Variants in UBE2R2 observed in about 807,000 individuals in gnomAD.
UBE2R2 encodes ubiquitin conjugating enzyme E2 R2.
In UBE2R2, 1 loss-of-function variant was observed where a neutral mutation model predicts 27.8. The observed-to-expected ratio is 0.04, with a 90% CI of 0.01 to 0.17. The LOEUF is 0.17. UBE2R2 is among the 10% of genes least tolerant of loss of function. The probability of loss-of-function intolerance (pLI) is 1.00; values close to 1 mark genes in which losing one functional copy is unlikely to be tolerated. For missense variants in UBE2R2, 100 were observed against 291.0 expected (o/e 0.34, Z 4.78); for synonymous variants, 106 against 113.3 (o/e 0.94, Z 0.41).
At chr9:33,889,044 A>G (rs1032851982) in intron 2 of UBE2R2, among the ~76,000 whole-genome samples, 4 of 152,240 alleles carry the variant, frequency 2.6e-5, no homozygotes, top group African/African-American at 9.6e-5. Context: ...AATATTTGAC[A>G]TAATATAAAT....
chr9:33,834,593 T>A (rs1009697986), intron 1 of UBE2R2, among the ~76,000 whole-genome samples: 5 of 152,008 alleles, frequency 3.3e-5, no homozygotes, highest in Admixed American at 1.3e-4. Flanking sequence ...ATTATATTTA[T>A]AAAACCTATT....
chr9:33,834,992 A>C (rs1820585150), intron 1 of UBE2R2, among the ~76,000 whole-genome samples: 2 of 152,134 alleles, frequency 1.3e-5, no homozygotes, highest in Admixed American at 1.3e-4. Context: ...ACCCACAATC[A>C]CATTTCCCAG....
intron 1 of UBE2R2, among the ~76,000 whole-genome samples, chr9:33,871,528 G>A (rs1343787104): frequency 4.6e-5 from 7 of 152,072 alleles, no homozygotes; most frequent in African/African-American, 7.2e-5. Context: ...TATTTTGGAG[G>A]TACTTGTTCT....
chr9:33,890,431 G>A (rs1821953925), intron 2 of UBE2R2, among the ~76,000 whole-genome samples: 1 of 152,052 alleles, frequency 6.6e-6, no homozygotes, highest in Non-Finnish European at 1.5e-5. Context: ...GCTGGGTGTG[G>A]TGGCACGCGC....
In UBE2R2 at chr9:33,847,918, GT is replaced by G. The variant is rs1232213089; in HGVS notation, c.177+29992del. 5.9e-5 allele frequency among the ~76,000 whole-genome samples: 9 copies of G among 151,282 alleles called. No homozygotes were observed. In the East Asian group the frequency reaches 1.4e-3, roughly 23 times the overall value. On this transcript the variant is annotated intron_variant, in intron 1 of 4. Coordinates refer to ENST00000263228, the MANE Select transcript of UBE2R2 (RefSeq NM_017811.4). ...AGGCATGTGCCACCACACTCGGCTA[GT>G]TTTTTTTGTATTTTTAGTAGAGACA...
intron 1 of UBE2R2, among the ~76,000 whole-genome samples, chr9:33,877,330 C>T (rs943296679): frequency 2.6e-5 from 4 of 151,546 alleles, no homozygotes; most frequent in Non-Finnish European, 5.9e-5. Context: ...TACTGGTGCC[C>T]GGCACCCATG....
At chr9:33,853,288 C>CTTT (rs71506143) in intron 1 of UBE2R2, among the ~76,000 whole-genome samples, 16,524 of 115,230 alleles carry the variant, frequency 0.14, 1,830 homozygotes, top group African/African-American at 0.27. Flanking sequence ...TTTTCTCTCT[C>CTTT]TTTTTTTTTT....
chr9:33,900,385 C>T, intron 3 of UBE2R2, 114 bp downstream of exon 3: 2 of 708,724 alleles, frequency 2.8e-6, no homozygotes, highest in Admixed American at 2.9e-5. Context: ...TTCTTATATT[C>T]AGTTTCTTTG....
At chr9:33,859,799 T>TGTGAGAGA (rs766779268) in intron 1 of UBE2R2, among the ~76,000 whole-genome samples, 22 of 86,582 alleles carry the variant, frequency 2.5e-4, no homozygotes, top group African/African-American at 7.4e-4. Context: ...TGTGTGTGTG[T>TGTGAGAGA]GAGAGAGAGA....
chr9:33,875,348 G>C (rs1488057539), intron 1 of UBE2R2, among the ~76,000 whole-genome samples: 1 of 152,008 alleles, frequency 6.6e-6, no homozygotes, highest in Admixed American at 6.6e-5. Context: ...CTAATATATT[G>C]AACTTTATTT....
At chr9:33,867,135 G>A (rs897573698) in intron 1 of UBE2R2, among the ~76,000 whole-genome samples, 4 of 151,876 alleles carry the variant, frequency 2.6e-5, no homozygotes, top group African/African-American at 4.8e-5. Context: ...TGATCTGCCC[G>A]CCTCGGCCTC....
At chr9:33,835,729 A>G (rs978033155) in intron 1 of UBE2R2, among the ~76,000 whole-genome samples, 1 of 151,570 alleles carries the variant, frequency 6.6e-6, no homozygotes, top group Non-Finnish European at 1.5e-5. Context: ...AAAAAAAAAA[A>G]CAAAACAGCC....
chr9:33,826,716 A>G (rs1158250366), intron 1 of UBE2R2, among the ~76,000 whole-genome samples: 2 of 152,096 alleles, frequency 1.3e-5, no homozygotes, highest in Non-Finnish European at 2.9e-5. Flanking sequence ...CCCCTCCAAA[A>G]AAAAAGAAAA....
chr9:33,862,561 C>G (rs1239793920), intron 1 of UBE2R2, among the ~76,000 whole-genome samples: 1 of 152,086 alleles, frequency 6.6e-6, no homozygotes, highest in Non-Finnish European at 1.5e-5. Context: ...AAATGCTATC[C>G]TATATTTTTT....
chr9:33,850,795 C>T (rs749692486), intron 1 of UBE2R2, among the ~76,000 whole-genome samples: 14 of 152,168 alleles, frequency 9.2e-5, no homozygotes, highest in Non-Finnish European at 1.6e-4. Context: ...TACTCTTCCC[C>T]ATTATTCACT....
intron 1 of UBE2R2, among the ~76,000 whole-genome samples, chr9:33,854,481 G>A (rs547441046): frequency 5.9e-5 from 9 of 151,850 alleles, no homozygotes; most frequent in African/African-American, 1.7e-4. Context: ...CACCATGCCC[G>A]GCTAGTTTTT....
At chr9:33,842,009 G>T (rs1375379700) in intron 1 of UBE2R2, among the ~76,000 whole-genome samples, 1 of 152,058 alleles carries the variant, frequency 6.6e-6, no homozygotes, top group Non-Finnish European at 1.5e-5. Flanking sequence ...TTTTTATTCT[G>T]TAAGTAATTA....
intron 1 of UBE2R2, 36 bp from the exon 2 acceptor site, chr9:33,886,845 T>A (rs772649438): frequency 2.6e-6 from 4 of 1,514,262 alleles, no homozygotes; most frequent in Non-Finnish European, 3.6e-6. Context: ...TAAGTTATAG[T>A]CTCATTTATT....
intron 4 of UBE2R2, among the ~76,000 whole-genome samples, chr9:33,914,526 T>A (rs1822587512): frequency 6.6e-6 from 1 of 152,136 alleles, no homozygotes; most frequent in African/African-American, 2.4e-5. Context: ...GAGGTGATGC[T>A]ATTTGAGTTC....
Sources: gnomAD v4.1 joint callset for allele counts (sites outside exome capture counted in the v4.1 genomes callset) on GRCh38, gnomAD v4.1.1 for gene constraint, MANE v1.5 for transcripts, NCBI Gene and HGNC (gene_info 2026-07-23, HGNC 2026-07-21) for gene names.